The following EPHA5 variants were observed in gnomAD, a reference collection of about 807,000 sequenced individuals.
EPHA5 encodes the protein ephrin type-A receptor 5.
A neutral mutation model predicts 105.0 loss-of-function variants in EPHA5; 60 were observed. The observed-to-expected ratio is 0.57, with a 90% CI of 0.46 to 0.71. The LOEUF (loss-of-function observed/expected upper bound fraction) is 0.71, where lower values mean the gene tolerates loss of function less well. Among genes scored for constraint, EPHA5 ranks in the 30% least tolerant of loss-of-function variants. The pLI is 0.00. For synonymous variants in EPHA5, 513 were observed against 449.1 expected (o/e 1.14, Z -1.80); for missense variants, 1,218 against 1,274.7 (o/e 0.96, Z 0.68).
In EPHA5 at chr4:65,637,597, T is replaced by TATAC. The variant is rs889288051; in HGVS notation, c.246+5765_246+5766insGTAT. Among the ~76,000 whole-genome samples the TATAC allele has an allele frequency of 1.8e-4, 26 of 144,530 alleles. No individual in the cohort carries two copies. In the East Asian group the frequency reaches 4.2e-3, roughly 23 times the overall value. 94.8% of individuals were successfully genotyped at this position (144,530 alleles called of 152,430 possible). ...ATATATATATATATATATATATATA[T>TATAC]ACGTATATGCTAAAACAAACAAAAC... On this transcript the variant is annotated intron_variant, in intron 2 of 16. Transcript: ENST00000613740.
intron 12 of EPHA5, among the ~76,000 whole-genome samples, chr4:65,352,068 C>T (rs902085951): frequency 2.6e-5 from 4 of 151,918 alleles, no homozygotes; most frequent in Admixed American, 6.6e-5. Context: ...TCAATGTTAG[C>T]AATTTTTGGA....
chr4:65,513,302 T>C (rs1055147723), intron 3 of EPHA5, among the ~76,000 whole-genome samples: 1 of 152,154 alleles, frequency 6.6e-6, no homozygotes, highest in Non-Finnish European at 1.5e-5. Flanking sequence ...CTCTATTGAG[T>C]GTTTAAAGCT....
rs1384953400 is a variant in EPHA5 at position 65,414,438 on chromosome 4, T to G, written c.1533A>C (p.Gln511His). ...ATTTGATAATCGTGTAGCTGGTCTC[T>G]TGGTCCTTGGGATGCGCATGCATAT... ...EYEIKYFEKD[Q>H]ETSYTIIKSK... The change falls in exon 7 of 17, where the codon CAA (glutamine) becomes CAC (histidine). Residue 511 changes from glutamine (Q) to histidine (H), a missense_variant. By Grantham distance (24) the Gln-to-His change is conservative. Transcript: ENST00000613740. The G allele has an allele frequency of 6.2e-7, 1 of 1,613,846 alleles. No homozygotes were observed. The highest frequency in any genetic ancestry group is 8.5e-7 in the Non-Finnish European group (1 of 1,179,830).
intron 7 of EPHA5, among the ~76,000 whole-genome samples, chr4:65,406,709 G>T (rs1008604092): frequency 6.6e-6 from 1 of 151,880 alleles, no homozygotes; most frequent in Non-Finnish European, 1.5e-5. Context: ...TCTCTCCAAA[G>T]AATCCTTTCA....
intron 14 of EPHA5, among the ~76,000 whole-genome samples, chr4:65,340,124 C>G (rs1327012257): frequency 6.6e-6 from 1 of 152,098 alleles, no homozygotes. Flanking sequence ...CTAACATGGT[C>G]TCATTCAAGT....
chr4:65,503,198 G>A (rs575812169), intron 3 of EPHA5, among the ~76,000 whole-genome samples: 1 of 151,734 alleles, frequency 6.6e-6, no homozygotes, highest in South Asian at 2.1e-4. Context: ...ATGGGATCAT[G>A]GTATCCCAAA....
At chr4:65,420,403 AAAG>A in intron 6 of EPHA5, 35 bp downstream of exon 6, 1 of 1,525,568 alleles carries the variant, frequency 6.6e-7, no homozygotes, top group Non-Finnish European at 8.8e-7. Flanking sequence ...ATGAAAAAAA[AAAG>A]AAAGTGAGGA....
intron 3 of EPHA5, among the ~76,000 whole-genome samples, chr4:65,542,676 A>G (rs879142763): frequency 6.6e-5 from 10 of 151,850 alleles, no homozygotes; most frequent in African/African-American, 2.4e-4. Flanking sequence ...TTCAAAAACT[A>G]TTGCAAACAA....
intron 3 of EPHA5, among the ~76,000 whole-genome samples, chr4:65,571,321 T>C (rs1379327746): frequency 7.1e-6 from 1 of 140,250 alleles, no homozygotes; most frequent in Non-Finnish European, 1.6e-5. Flanking sequence ...TGTTTACAAG[T>C]AAAAAAAAAA....
chr4:65,520,522 C>T (rs370691965), intron 3 of EPHA5, among the ~76,000 whole-genome samples: 93 of 152,192 alleles, frequency 6.1e-4, no homozygotes, highest in Middle Eastern at 3.4e-3. Flanking sequence ...CCAAAATGGA[C>T]GAATGGGATC....
rs1360154585 is a variant in EPHA5, at chr4:65,444,780, A to G, written c.1403-24215T>C. Among the ~76,000 whole-genome samples, 4 of 152,036 alleles carry G rather than the reference A, an allele frequency of 2.6e-5. No individual in the cohort carries two copies. In the South Asian group the frequency reaches 8.3e-4, roughly 31 times the overall value. ...CACTATTTATTGAAAAATATAAAAAACCTAAAAATTCTGATGCCTTTTGCT... is the reference window on the plus strand; with the variant it reads ...CACTATTTATTGAAAAATATAAAAAGCCTAAAAATTCTGATGCCTTTTGCT... On this transcript the variant is annotated intron_variant, in intron 5 of 16. Coordinates refer to ENST00000613740, the MANE Select transcript of EPHA5 (RefSeq NM_001281766.3).
At chr4:65,474,910 AC>A (rs1479977836) in intron 5 of EPHA5, among the ~76,000 whole-genome samples, 3 of 152,176 alleles carry the variant, frequency 2.0e-5, no homozygotes, top group Admixed American at 1.3e-4. Context: ...ACAACTCACG[AC>A]CTTTTAAATA....
chr4:65,599,550 C>T (rs758892064), intron 3 of EPHA5, among the ~76,000 whole-genome samples: 3 of 151,988 alleles, frequency 2.0e-5, no homozygotes, highest in Non-Finnish European at 4.4e-5. Flanking sequence ...CATCACATAC[C>T]ATTTGTACAT....
chr4:65,402,490 G>T (rs150868888), intron 8 of EPHA5, among the ~76,000 whole-genome samples: 1 of 152,158 alleles, frequency 6.6e-6, no homozygotes, highest in African/African-American at 2.4e-5. Context: ...AATTCACTGT[G>T]CTAAGTCTAC....
At chr4:65,563,365 C>A (rs1030732256) in intron 3 of EPHA5, among the ~76,000 whole-genome samples, 2 of 151,894 alleles carry the variant, frequency 1.3e-5, no homozygotes, top group Admixed American at 6.6e-5. Flanking sequence ...GTAAAGCATT[C>A]GAAATTATTT....
intron 6 of EPHA5, among the ~76,000 whole-genome samples, chr4:65,419,810 A>T (rs572540970): frequency 1.1e-4 from 16 of 152,272 alleles, no homozygotes; most frequent in African/African-American, 3.8e-4. Flanking sequence ...GTGAATTCAG[A>T]AAAGAGGAAA....
chr4:65,482,764 G>T (rs62299160), intron 5 of EPHA5, among the ~76,000 whole-genome samples: 31,941 of 151,952 alleles, frequency 0.21, 4,137 homozygotes, highest in Middle Eastern at 0.35. Context: ...CTTGAAGAAG[G>T]ACTCTGCAAT....
chr4:65,428,324 A>G (rs905809795), intron 5 of EPHA5, among the ~76,000 whole-genome samples: 1 of 152,164 alleles, frequency 6.6e-6, no homozygotes, highest in Non-Finnish European at 1.5e-5. Flanking sequence ...TTATATACTT[A>G]CATACTTAGT....
chr4:65,656,131 T>TAAAA, intron 1 of EPHA5, among the ~76,000 whole-genome samples: 1 of 109,608 alleles, frequency 9.1e-6, no homozygotes, highest in African/African-American at 3.4e-5. Context: ...TGCTGCTGCT[T>TAAAA]AAAAAAAAAA....
Sources: allele counts gnomAD v4.1 joint callset (sites outside exome capture counted in the v4.1 genomes callset), GRCh38; gene constraint gnomAD v4.1.1; transcripts MANE v1.5; gene names NCBI Gene and HGNC (gene_info 2026-07-23, HGNC 2026-07-21).